Variants in PSD observed in about 807,000 individuals in gnomAD.
PSD encodes pleckstrin and Sec7 domain containing, also known as PH and SEC7 domain-containing protein 1.
PSD carries 32 observed loss-of-function variants against 91.6 expected under a neutral mutation model. That is an observed-to-expected ratio of 0.35 (90% CI 0.26 to 0.47). The LOEUF (loss-of-function observed/expected upper bound fraction) is 0.47. PSD is among the 20% of genes least tolerant of loss of function. The pLI, the probability that PSD is intolerant of heterozygous loss-of-function variation, is 1.00. For missense variants in PSD, 1,099 were observed against 1,373.9 expected (o/e 0.80, Z 3.16); for synonymous variants, 532 against 569.3 (o/e 0.93, Z 0.93).
In PSD at chr10:102,407,206, G is replaced by A. The variant is rs550642121; in HGVS notation, c.2135+17C>T. ...CCATGCCCCATCCTAGCCCCACCAC[G>A]CAGCCCCGGGACTCACATGGCCCAC... On this transcript the variant is annotated intron_variant, in intron 11 of 16. Transcript: ENST00000020673. 38 of 1,506,688 alleles carry A rather than the reference G, an allele frequency of 2.5e-5. No homozygotes were observed. The highest frequency in any genetic ancestry group is 1.1e-4 in the African/African-American group (8 of 70,968). The allele number at this position is 1,506,688 out of a possible 1,614,324, so 93.3% of individuals were successfully genotyped here.
At chr10:102,407,753 T>A (rs2061378675) in intron 10 of PSD, among the ~76,000 whole-genome samples, 1 of 152,006 alleles carries the variant, frequency 6.6e-6, no homozygotes, top group Non-Finnish European at 1.5e-5. Flanking sequence ...GGACTCGCCC[T>A]CTCAGCACTT....
intron 10 of PSD, chr10:102,408,888 C>A (rs2061394163): frequency 1.0e-6 from 1 of 987,110 alleles, no homozygotes; most frequent in African/African-American, 1.7e-5. Context: ...GGCCCCAACG[C>A]CCTCACCGCC....
At position 102,416,697 on chromosome 10, in the gene PSD, C is replaced by A; in HGVS notation, c.342G>T (p.Leu114=). The change falls in exon 2 of 17, where the codon CTG becomes CTT. Residue 114 remains leucine (L), a synonymous_variant. Coordinates refer to ENST00000020673, the MANE Select transcript of PSD (RefSeq NM_002779.5). This position sits in a 1 kb window ranked among gnomAD's most constrained non-coding sequence, Gnocchi z 6.0. The part of the protein sequence containing the change: ...RFVEKASVRP[L]NGLPAPGGLS... The stretch of plus-strand genomic sequence containing the variant: ...AGCCCCCTGGAGCAGGTAGCCCATT[C>A]AGTGGCCTCACACTGGCCTTCTCCA... 6.2e-7 allele frequency: 1 copy of A among 1,605,722 alleles called. No homozygotes were observed. The highest frequency in any genetic ancestry group is 8.5e-7 in the Non-Finnish European group (1 of 1,176,314).
Position 102,416,869 on chromosome 10 carries a change from C to A in PSD, c.170G>T (p.Gly57Val). 1 of 1,599,898 alleles carries A rather than the reference C, an allele frequency of 6.3e-7. No homozygotes were observed. The highest frequency in any genetic ancestry group is 1.1e-5 in the South Asian group (1 of 89,186). Residue 57 changes from glycine (G) to valine (V), a missense_variant, in exon 2 of 17, where the codon GGC becomes GTC. This residue lies in a region of PSD where 631 missense variants were observed against 728.8 expected (regional missense o/e 0.87). Coordinates refer to ENST00000020673, the MANE Select transcript of PSD (RefSeq NM_002779.5). The surrounding 1 kb of genome is among the most constrained non-coding windows in gnomAD (Gnocchi z 6.0). ...LRRVAGPGPR[G>V]RELGRVTAPC... ...TGCTGTCACACGTCCCAGTTCCCGG[C>A]CTCGAGGACCTGGACCTGCCACTCG... is the stretch of plus-strand genomic sequence containing the variant.
At chr10:102,411,202 C>A (rs1291440029) in intron 8 of PSD, 86 bp from the exon 9 acceptor site, 7 of 1,356,758 alleles carry the variant, frequency 5.2e-6, no homozygotes, top group African/African-American at 1.5e-5. Context: ...TTCATCCCCA[C>A]CCCCTTTGGC....
At chr10:102,415,409 C>CAAGTTCTTGTCA (rs1410411955) in intron 3 of PSD, among the ~76,000 whole-genome samples, 180 bp from the exon 4 acceptor site, 1 of 152,230 alleles carries the variant, frequency 6.6e-6, no homozygotes, top group Admixed American at 6.5e-5. Flanking sequence ...CATTTTAAAT[C>CAAGTTCTTGTCA]AAGTTCTTGT....
At chr10:102,418,998 C>T (rs1029092871), upstream of PSD, 2 of 338,108 alleles carry the variant, frequency 5.9e-6, no homozygotes, top group African/African-American at 4.3e-5. Flanking sequence ...GTTCTATTCC[C>T]CAGACCCTCA....
Position 102,409,361 on chromosome 10 carries a change from C to T in PSD, c.2091+1497G>A, listed in dbSNP as rs1305874475. 6.1e-6 allele frequency: 6 copies of T among 985,290 alleles called. No individual in the cohort carries two copies. The highest frequency in any genetic ancestry group is 7.2e-6 in the Non-Finnish European group (6 of 829,780). 61.0% of individuals were successfully genotyped at this position (985,290 alleles called of 1,614,324 possible). A position where few individuals can be genotyped will look rare whatever the true frequency, so the allele number is the denominator to read the frequency against. On this transcript the variant is annotated intron_variant, in intron 10 of 16. Transcript: ENST00000020673. The surrounding 1 kb of genome is among the most constrained non-coding windows in gnomAD (Gnocchi z 5.7). Reference sequence around the variant, plus strand: ...GCGGGGACCGCATGAAATGGAGGCGCCCGATCGCGAAGGGGGCCCTCCCCG... The same window carrying T: ...GCGGGGACCGCATGAAATGGAGGCGTCCGATCGCGAAGGGGGCCCTCCCCG...
At position 102,408,740 on chromosome 10, in the gene PSD, T is replaced by C. The variant is rs78072867; in HGVS notation, c.2092-1474A>G. On this transcript the variant is annotated intron_variant, in intron 10 of 16. Coordinates refer to ENST00000020673, the MANE Select transcript of PSD (RefSeq NM_002779.5). ...CACCTTGGCCCCAGGGTCTGTGCCCTCCCTGCCCCCCCAGCCCGTGCCCGC... is the reference window on the plus strand; with the variant it reads ...CACCTTGGCCCCAGGGTCTGTGCCCCCCCTGCCCCCCCAGCCCGTGCCCGC... Among the ~76,000 whole-genome samples, 246 of 151,460 alleles carry C rather than the reference T, an allele frequency of 1.6e-3. 1 individual carries two copies. Among genetic ancestry groups the C allele is most frequent in the East Asian group, 1.0e-2 (51 of 5,116 alleles).
Position 102,405,791 on chromosome 10 carries a change from G to GAGATCTA in PSD, c.2136-256_2136-255insTAGATCT. 1 of 506,086 alleles carries GAGATCTA rather than the reference G, an allele frequency of 2.0e-6. No homozygotes were observed. Among genetic ancestry groups the GAGATCTA allele is most frequent in the Non-Finnish European group, 3.6e-6 (1 of 280,778 alleles). The allele number at this position is 506,086 out of a possible 1,614,324, so 31.3% of individuals were successfully genotyped here. ...CCCTTCCTCCCAGCAAGTAGGGCCA[G>GAGATCTA]CACTATCCTCTCCATTGCTGCACAC... On this transcript the variant is annotated intron_variant, in intron 11 of 16. Transcript: ENST00000020673. This position sits in a 1 kb window ranked among gnomAD's most constrained non-coding sequence, Gnocchi z 5.4.
At chr10:102,406,797 G>A (rs1347025601) in intron 11 of PSD, among the ~76,000 whole-genome samples, 2 of 152,176 alleles carry the variant, frequency 1.3e-5, no homozygotes, top group East Asian at 1.9e-4. Flanking sequence ...GAGCCACCTC[G>A]CCTGGCCGAG....
In PSD at chr10:102,414,231, C is replaced by T. The variant is rs771598676; in HGVS notation, c.1125-34G>A. On this transcript the variant is annotated intron_variant, in intron 4 of 16. Coordinates refer to ENST00000020673, the MANE Select transcript of PSD (RefSeq NM_002779.5). The surrounding 1 kb of genome is among the most constrained non-coding windows in gnomAD (Gnocchi z 5.6). ...GCAGGGAGAATCTCTGATTAGGGGC[C>T]CAGATCACAGGGCTGGGGCAGGATT... 3 of 1,555,816 alleles carry T rather than the reference C, an allele frequency of 1.9e-6. No individual in the cohort carries two copies. Among genetic ancestry groups the T allele is most frequent in the Non-Finnish European group, 2.6e-6 (3 of 1,145,394 alleles).
chr10:102,414,776 C>A lies in PSD; in HGVS notation c.1124+87G>T. On this transcript the variant is annotated intron_variant, in intron 4 of 16. Coordinates refer to ENST00000020673, the MANE Select transcript of PSD (RefSeq NM_002779.5). This position sits in a 1 kb window ranked among gnomAD's most constrained non-coding sequence, Gnocchi z 5.6. ...GCCCCACACCCATCTCTATCCCAGGCCCTTTGAGCCCGGCTCTGCCTGTGG... is the reference window on the plus strand; with the variant it reads ...GCCCCACACCCATCTCTATCCCAGGACCTTTGAGCCCGGCTCTGCCTGTGG... 4 of 1,456,352 alleles carry A rather than the reference C, an allele frequency of 2.7e-6. No individual in the cohort carries two copies. The highest frequency in any genetic ancestry group is 3.6e-6 in the Non-Finnish European group (4 of 1,103,208). 90.2% of individuals were successfully genotyped at this position (1,456,352 alleles called of 1,614,324 possible). A position where few individuals can be genotyped will look rare whatever the true frequency, so the allele number is the denominator to read the frequency against.
chr10:102,418,559 C>A, intron 1 of PSD, 142 bp downstream of exon 1: 1 of 370,732 alleles, frequency 2.7e-6, no homozygotes, highest in South Asian at 1.9e-5. Flanking sequence ...GAGACCATAA[C>A]CAGGTAAAGG....
chr10:102,412,392 G>A lies in PSD; in HGVS notation c.1737C>T (p.His579=). 1 of 1,613,642 alleles carries A rather than the reference G, an allele frequency of 6.2e-7. No individual in the cohort carries two copies. Among genetic ancestry groups the A allele is most frequent in the South Asian group, 1.1e-5 (1 of 91,074 alleles). ...DGFRKADVAR[H]LGKNNDFSKL... is the part of the protein sequence containing the mutation. ...CCTAGTGGCTTTACTTCTTGCCCAG[G>A]TGCCGGGCCACATCGGCCTTCCTGA... The change falls in exon 6 of 17, where the codon CAC becomes CAT. Residue 579 remains histidine (H), a synonymous_variant. Coordinates refer to ENST00000020673, the MANE Select transcript of PSD (RefSeq NM_002779.5).
chr10:102,411,145 C>G (rs2061420868), intron 8 of PSD, 29 bp from the exon 9 acceptor site: 1 of 1,585,880 alleles, frequency 6.3e-7, no homozygotes, highest in African/African-American at 1.3e-5. Context: ...TCAGCCTTGG[C>G]TGCCTCCCAG....
chr10:102,416,251 C>T lies in PSD; in HGVS notation c.655-132G>A, dbSNP rs1351873650. 2 of 1,257,628 alleles carry T rather than the reference C, an allele frequency of 1.6e-6. No individual in the cohort carries two copies. Among genetic ancestry groups the T allele is most frequent in the East Asian group, 5.1e-5 (2 of 39,482 alleles). The allele number at this position is 1,257,628 out of a possible 1,614,324, so 77.9% of individuals were successfully genotyped here. ...AGGTTCAGAGACACAGAGACAAACA[C>T]AGAGGGCAAGAGAGAGGCAGATTTA... On this transcript the variant is annotated intron_variant, in intron 2 of 16. Transcript: ENST00000020673. This position sits in a 1 kb window ranked among gnomAD's most constrained non-coding sequence, Gnocchi z 6.0.
At chr10:102,418,419 A>T (rs1033469847) in intron 1 of PSD, among the ~76,000 whole-genome samples, 3 of 152,178 alleles carry the variant, frequency 2.0e-5, no homozygotes, top group African/African-American at 7.2e-5. Flanking sequence ...ACACATACAG[A>T]TGTACACACT....
At chr10:102,407,150 G>T in intron 11 of PSD, 73 bp downstream of exon 11, 1 of 1,247,086 alleles carries the variant, frequency 8.0e-7, no homozygotes, top group Non-Finnish European at 1.1e-6. Flanking sequence ...GCCTACCCCA[G>T]CTCTCTCAGC....
Sources: gnomAD v4.1 joint callset for allele counts (sites outside exome capture counted in the v4.1 genomes callset) on GRCh38, gnomAD v4.1.1 for gene constraint, gnomAD v4.1.1 regional missense constraint, Gnocchi (gnomAD v3.1) non-coding constraint, MANE v1.5 for transcripts, NCBI Gene and HGNC (gene_info 2026-07-23, HGNC 2026-07-21) for gene names.